The following GRIN2B variants were observed in gnomAD, a reference collection of about 807,000 sequenced individuals.
The protein encoded by GRIN2B is glutamate receptor ionotropic, NMDA 2B.
Under a neutral mutation model 114.5 loss-of-function variants are expected in GRIN2B, and 5 were observed. That is an observed-to-expected ratio of 0.04 (90% CI 0.02 to 0.09). The LOEUF (loss-of-function observed/expected upper bound fraction) is 0.09, where lower values mean the gene tolerates loss of function less well. GRIN2B is among the 10% of genes least tolerant of loss of function. The pLI, the probability that GRIN2B is intolerant of heterozygous loss-of-function variation, is 1.00. For missense variants in GRIN2B, 1,108 were observed against 1,943.5 expected (o/e 0.57, Z 8.08); for synonymous variants, 787 against 745.1 (o/e 1.06, Z -0.92).
At position 13,544,493 on chromosome 12, in the gene GRIN2B, T is replaced by TAC. The variant is rs1198402645; in HGVS notation, c.*18288_*18289dup. On this transcript the variant is annotated 3_prime_UTR_variant, in exon 14 of 14. Transcript: ENST00000609686. The stretch of plus-strand genomic sequence containing the variant: ...ATTTTAAATATGTATCTTCAGGCTA[T>TAC]ACATTTTCCCTGAACTCCAGGTCCA... The TAC allele has an allele frequency of 6.6e-6, 1 of 152,204 alleles. No homozygotes were observed. The highest frequency in any genetic ancestry group is 1.5e-5 in the Non-Finnish European group (1 of 68,046). 9.4% of individuals were successfully genotyped at this position (152,204 alleles called of 1,614,324 possible).
chr12:13,840,871 T>G (rs149800371), intron 3 of GRIN2B, among the ~76,000 whole-genome samples: 1 of 152,268 alleles, frequency 6.6e-6, no homozygotes, highest in East Asian at 1.9e-4. Context: ...TTTACATATT[T>G]CTAAAAATAT....
In GRIN2B at chr12:13,773,075, G is replaced by A. The variant is rs148045542; in HGVS notation, c.412-19160C>T. Among the ~76,000 whole-genome samples the A allele has an allele frequency of 4.8e-3, 736 of 152,282 alleles. 14 individuals carry two copies. Among genetic ancestry groups the A allele is most frequent in the Non-Finnish European group, 1.3e-3 (89 of 68,038 alleles). ...CAGCCCCAGACCAATGGGGTGATGG[G>A]TTGGAGGGGACAGTTAGAACTGCAA... On this transcript the variant is annotated intron_variant, in intron 3 of 13. Transcript: ENST00000609686.
At chr12:13,697,714 C>CG (rs1950274124) in intron 4 of GRIN2B, among the ~76,000 whole-genome samples, 1 of 152,166 alleles carries the variant, frequency 6.6e-6, no homozygotes, top group African/African-American at 2.4e-5. Context: ...TAAATCTGTG[C>CG]GTGAAAACAT....
At chr12:13,968,983 C>G (rs1867835085) in intron 2 of GRIN2B, among the ~76,000 whole-genome samples, 1 of 152,214 alleles carries the variant, frequency 6.6e-6, no homozygotes, top group Non-Finnish European at 1.5e-5. Context: ...TTCCTTCCCT[C>G]TTAGAGGAAC....
At chr12:13,796,218 A>G (rs189805230) in intron 3 of GRIN2B, among the ~76,000 whole-genome samples, 3 of 152,304 alleles carry the variant, frequency 2.0e-5, no homozygotes, top group African/African-American at 7.2e-5. Flanking sequence ...TTTTTGGAGA[A>G]CACCACACAT....
At chr12:13,655,490 T>C (rs1949854564) in intron 5 of GRIN2B, among the ~76,000 whole-genome samples, 1 of 152,096 alleles carries the variant, frequency 6.6e-6, no homozygotes, top group Non-Finnish European at 1.5e-5. Context: ...TGCAGATTAA[T>C]CCCCACTGCA....
At chr12:13,962,657 C>T (rs770709600) in intron 2 of GRIN2B, among the ~76,000 whole-genome samples, 29 of 152,258 alleles carry the variant, frequency 1.9e-4, no homozygotes, top group East Asian at 3.9e-4. Flanking sequence ...AATATCTGCC[C>T]GGCAGAGGAC....
chr12:13,878,875 A>G (rs1388964416), intron 2 of GRIN2B, among the ~76,000 whole-genome samples: 1 of 152,242 alleles, frequency 6.6e-6, no homozygotes, highest in Non-Finnish European at 1.5e-5. Context: ...AAATATAGCA[A>G]GCAATTATTA....
intron 5 of GRIN2B, among the ~76,000 whole-genome samples, chr12:13,617,084 G>A (rs1439294977): frequency 2.0e-5 from 3 of 152,198 alleles, no homozygotes; most frequent in African/African-American, 7.2e-5. Context: ...ACTGTAACAA[G>A]GAGCATGATG....
At chr12:13,685,623 G>A (rs1477381695) in intron 4 of GRIN2B, among the ~76,000 whole-genome samples, 3 of 152,128 alleles carry the variant, frequency 2.0e-5, no homozygotes, top group Admixed American at 6.6e-5. Context: ...GTCATGCTAT[G>A]TATGTGAGAC....
chr12:13,810,325 C>T (rs1864705284), intron 3 of GRIN2B, among the ~76,000 whole-genome samples: 1 of 151,896 alleles, frequency 6.6e-6, no homozygotes, highest in Non-Finnish European at 1.5e-5. Context: ...AAGCGATTCT[C>T]ATGCCTCAGC....
At chr12:13,827,774 C>T (rs191839672) in intron 3 of GRIN2B, among the ~76,000 whole-genome samples, 127 of 152,164 alleles carry the variant, frequency 8.3e-4, no homozygotes, top group African/African-American at 2.0e-3. Flanking sequence ...CTCCACCTCC[C>T]GGGTTCAAGC....
At position 13,567,279 on chromosome 12, in the gene GRIN2B, A is replaced by C. The variant is rs1310339590; in HGVS notation, c.2360-16T>G. ...TCCATCTCCCCTGGGGAAAGGACAG[A>C]GAAGGAAAATGGATAAAAAGAGGAG... On this transcript the variant is annotated splice_polypyrimidine_tract_variant and intron_variant, in intron 12 of 13. Coordinates refer to ENST00000609686, the MANE Select transcript of GRIN2B (RefSeq NM_000834.5). The C allele has an allele frequency of 6.3e-7, 1 of 1,579,870 alleles. No homozygotes were observed. Among genetic ancestry groups the C allele is most frequent in the African/African-American group, 1.3e-5 (1 of 74,266 alleles).
intron 4 of GRIN2B, among the ~76,000 whole-genome samples, chr12:13,743,830 C>T (rs56349955): frequency 0.016 from 2,473 of 151,894 alleles, 70 homozygotes; most frequent in African/African-American, 0.056. Context: ...TGATGAACAA[C>T]GAAATTTTTG....
At chr12:13,705,567 G>T (rs1485543107) in intron 4 of GRIN2B, among the ~76,000 whole-genome samples, 1 of 152,156 alleles carries the variant, frequency 6.6e-6, no homozygotes, top group East Asian at 1.9e-4. Context: ...AACAAAAAAT[G>T]CACTGTATCA....
At chr12:13,890,986 A>T (rs1446479140) in intron 2 of GRIN2B, among the ~76,000 whole-genome samples, 1 of 152,116 alleles carries the variant, frequency 6.6e-6, no homozygotes, top group Non-Finnish European at 1.5e-5. Flanking sequence ...AATCTTACAC[A>T]TTAGCCAAGC....
chr12:13,895,008 AG>A (rs1414833430), intron 2 of GRIN2B, among the ~76,000 whole-genome samples: 1 of 152,224 alleles, frequency 6.6e-6, no homozygotes, highest in African/African-American at 2.4e-5. Flanking sequence ...ATTTATTTAA[AG>A]TGCTGCACCC....
intron 4 of GRIN2B, among the ~76,000 whole-genome samples, chr12:13,682,490 G>A (rs1950140366): frequency 6.6e-6 from 1 of 151,966 alleles, no homozygotes; most frequent in Non-Finnish European, 1.5e-5. Flanking sequence ...TCTCTGAAAT[G>A]GTGTTTATAC....
chr12:13,703,349 CACA>C (rs1369946804), intron 4 of GRIN2B, among the ~76,000 whole-genome samples: 1 of 152,068 alleles, frequency 6.6e-6, no homozygotes, highest in Non-Finnish European at 1.5e-5. Context: ...ATTGTCAGCT[CACA>C]ACTTTATATT....
Sources: allele counts gnomAD v4.1 joint callset (sites outside exome capture counted in the v4.1 genomes callset), GRCh38; gene constraint gnomAD v4.1.1; transcripts MANE v1.5; gene names NCBI Gene and HGNC (gene_info 2026-07-23, HGNC 2026-07-21).